Variants in SAMD12 observed in about 807,000 individuals in gnomAD.
SAMD12 encodes the protein sterile alpha motif domain-containing protein 12.
A neutral mutation model predicts 15.0 loss-of-function variants in SAMD12; 9 were observed. That is an observed-to-expected ratio of 0.60 (90% CI 0.36 to 1.05). The LOEUF is 1.05. Ranked by LOEUF, SAMD12 falls within the 50% of genes least tolerant of loss-of-function variation. The probability of loss-of-function intolerance (pLI) is 0.01; values close to 1 mark genes in which losing one functional copy is unlikely to be tolerated. For synonymous variants in SAMD12, 86 were observed against 90.1 expected, an observed-to-expected ratio of 0.96 and a Z score of 0.25; for missense variants, 230 against 234.2, an observed-to-expected ratio of 0.98 and a Z score of 0.12.
chr8:118,321,148 T>TAA (rs1563761480), intron 4 of SAMD12, among the ~76,000 whole-genome samples: 10 of 6,268 alleles, frequency 1.6e-3, no homozygotes, highest in African/African-American at 7.7e-3. Context: ...ATAATAAATA[T>TAA]ATATATATAT....
chr8:118,151,125 T>C, the SAMD12 span, among the ~76,000 whole-genome samples: 365 of 152,300 alleles, frequency 2.4e-3, 1 homozygote, highest in Non-Finnish European at 2.4e-3. Flanking sequence ...GCTCACATTA[T>C]TTCTAATGAG....
At chr8:118,350,836 T>C (rs1817929415) in intron 4 of SAMD12, among the ~76,000 whole-genome samples, 1 of 152,258 alleles carries the variant, frequency 6.6e-6, no homozygotes. Flanking sequence ...CATAGCATAG[T>C]AGATTCTTAA....
chr8:118,601,107 ATGCCAAATACTAACAGTGGC>A (rs1269177453), intron 1 of SAMD12, among the ~76,000 whole-genome samples: 2 of 152,242 alleles, frequency 1.3e-5, no homozygotes, highest in Non-Finnish European at 2.9e-5. Context: ...AGAAGAAAAT[ATGCCAAATACTAACAGTGGC>A]TGCCTTTTGA....
intron 2 of SAMD12, among the ~76,000 whole-genome samples, chr8:118,522,199 T>TAC (rs1554679226): frequency 1.2e-3 from 19 of 15,802 alleles, no homozygotes; most frequent in South Asian, 2.6e-3. Flanking sequence ...CACACACACA[T>TAC]ACACACACAC....
chr8:118,448,376 C>A (rs545999806), intron 2 of SAMD12, among the ~76,000 whole-genome samples: 1 of 152,322 alleles, frequency 6.6e-6, no homozygotes, highest in East Asian at 1.9e-4. Context: ...TATTATATGT[C>A]TCTTCCCACT....
exon 5 of SAMD12, chr8:118,197,588 T>A: frequency 1.1e-6 from 1 of 880,344 alleles, no homozygotes; most frequent in Admixed American, 1.8e-5. Flanking sequence ...TTTCAGTTAA[T>A]CCAGTTAATC....
At chr8:118,550,039 A>G (rs929982294) in intron 2 of SAMD12, among the ~76,000 whole-genome samples, 3 of 152,356 alleles carry the variant, frequency 2.0e-5, no homozygotes, top group African/African-American at 7.2e-5. Flanking sequence ...GAAAAGACCA[A>G]ATCTACGACT....
At position 118,439,761 on chromosome 8, in the gene SAMD12, G is replaced by A. The variant is rs917460536; in HGVS notation, c.322+71C>T. On this transcript the variant is annotated intron_variant, in intron 3 of 3. Transcript: ENST00000314727. ...GCAGGAAGATGTTGTTTCATGGTAAGGGTATGGGAAAGGCTATCGTGACTG... is the reference window on the plus strand; with the variant it reads ...GCAGGAAGATGTTGTTTCATGGTAAAGGTATGGGAAAGGCTATCGTGACTG... 4.8e-6 allele frequency: 7 copies of A among 1,459,278 alleles called. No individual in the cohort carries two copies. In the Admixed American group the frequency reaches 6.8e-5, roughly 14 times the overall value. The allele number at this position is 1,459,278 out of a possible 1,614,324, so 90.4% of individuals were successfully genotyped here.
chr8:118,358,014 G>A (rs1463807405), intron 4 of SAMD12, among the ~76,000 whole-genome samples: 1 of 152,096 alleles, frequency 6.6e-6, no homozygotes, highest in South Asian at 2.1e-4. Flanking sequence ...GTGTGGTGGT[G>A]CACACCTCTA....
chr8:118,483,190 A>G (rs2130994508), intron 2 of SAMD12, among the ~76,000 whole-genome samples: 1 of 152,234 alleles, frequency 6.6e-6, no homozygotes, highest in South Asian at 2.1e-4. Context: ...GTCAGAAAAC[A>G]TATCTGCTAT....
chr8:118,271,242 T>C (rs1044559350), intron 4 of SAMD12, among the ~76,000 whole-genome samples: 1 of 152,156 alleles, frequency 6.6e-6, no homozygotes, highest in African/African-American at 2.4e-5. Flanking sequence ...CTTCTTCACA[T>C]GGTAGCAGGA....
At chr8:118,251,517 G>A (rs965716470) in intron 4 of SAMD12, among the ~76,000 whole-genome samples, 2 of 152,096 alleles carry the variant, frequency 1.3e-5, no homozygotes, top group Non-Finnish European at 1.5e-5. Flanking sequence ...TGTGTGCACT[G>A]TAAACCTTTT....
intron 2 of SAMD12, among the ~76,000 whole-genome samples, chr8:118,538,795 G>T (rs1825914930): frequency 6.6e-6 from 1 of 152,178 alleles, no homozygotes; most frequent in Non-Finnish European, 1.5e-5. Flanking sequence ...AGGTGTTCCT[G>T]CAGGAAGGAT....
intron 4 of SAMD12, among the ~76,000 whole-genome samples, chr8:118,262,131 A>G (rs1813092731): frequency 6.6e-6 from 1 of 152,054 alleles, no homozygotes; most frequent in Non-Finnish European, 1.5e-5. Context: ...ACTCTCCTTC[A>G]TCTGATCAAC....
At chr8:118,351,734 A>G (rs1186154195) in intron 4 of SAMD12, among the ~76,000 whole-genome samples, 2 of 152,222 alleles carry the variant, frequency 1.3e-5, no homozygotes, top group Non-Finnish European at 2.9e-5. Flanking sequence ...ATAGCCAGTC[A>G]ACTTGAAAAG....
Position 118,555,188 on chromosome 8 carries a change from C to T in SAMD12, c.192+25527G>A, listed in dbSNP as rs1014625983. On this transcript the variant is annotated intron_variant, in intron 2 of 3. Transcript: ENST00000314727. ...CCACACACAGCGTACCTCCTCACAT[C>T]CATTAATTATAAATTAGTTTTTACA... is the stretch of plus-strand genomic sequence containing the variant. Among the ~76,000 whole-genome samples, 28 of 152,158 alleles carry T rather than the reference C, an allele frequency of 1.8e-4. 1 individual carries two copies. The highest frequency in any genetic ancestry group is 1.6e-3 in the Admixed American group (25 of 15,278).
chr8:118,312,706 C>CA (rs1815692628), intron 4 of SAMD12, among the ~76,000 whole-genome samples: 1 of 152,068 alleles, frequency 6.6e-6, no homozygotes, highest in Non-Finnish European at 1.5e-5. Flanking sequence ...ATATCTAATA[C>CA]AACAACCTTT....
intron 2 of SAMD12, among the ~76,000 whole-genome samples, chr8:118,538,912 A>G (rs1456185417): frequency 2.6e-5 from 4 of 152,174 alleles, no homozygotes; most frequent in African/African-American, 9.7e-5. Context: ...TCCTCCCAAA[A>G]TATCATTATC....
chr8:118,555,898 G>T (rs1253248766), intron 2 of SAMD12, among the ~76,000 whole-genome samples: 5 of 152,208 alleles, frequency 3.3e-5, no homozygotes, highest in Non-Finnish European at 5.9e-5. Context: ...CTTGAGGAGT[G>T]TGTCAATTTG....
Sources: allele counts gnomAD v4.1 joint callset (sites outside exome capture counted in the v4.1 genomes callset), GRCh38; gene constraint gnomAD v4.1.1; transcripts MANE v1.5; gene names NCBI Gene and HGNC (gene_info 2026-07-23, HGNC 2026-07-21).